Variants in LCOR observed in about 807,000 individuals in gnomAD.
LCOR encodes ligand dependent nuclear receptor corepressor, also known as ligand-dependent corepressor.
LCOR carries 14 observed loss-of-function variants against 64.4 expected under a neutral mutation model. The observed-to-expected ratio is 0.22, with a 90% CI of 0.14 to 0.34. LCOR has a LOEUF of 0.34. Ranked by LOEUF, LCOR falls within the 10% of genes least tolerant of loss-of-function variation. The probability of loss-of-function intolerance (pLI) is 1.00; values close to 1 mark genes in which losing one functional copy is unlikely to be tolerated. For missense variants in LCOR, 1,686 were observed against 1,765.3 expected (o/e 0.96, Z 0.80); for synonymous variants, 643 against 642.5 (o/e 1.00, Z -0.01).
intron 2 of LCOR, among the ~76,000 whole-genome samples, chr10:96,842,496 A>G (rs1845557630): frequency 6.6e-6 from 1 of 152,214 alleles, no homozygotes; most frequent in African/African-American, 2.4e-5. Flanking sequence ...ATGTGAATTT[A>G]CCACAAAGAC....
chr10:96,908,341 C>A (rs1161364437), intron 4 of LCOR, among the ~76,000 whole-genome samples: 3 of 152,140 alleles, frequency 2.0e-5, no homozygotes, highest in African/African-American at 7.2e-5. Context: ...TTAATTGTCT[C>A]AAACTGTTGT....
At chr10:96,962,949 C>A (rs1443878401) in intron 7 of LCOR, 1 of 152,222 alleles carries the variant, frequency 6.6e-6, no homozygotes, top group African/African-American at 2.4e-5. Context: ...TCTTCTCACT[C>A]AATTCAGGTA....
intron 2 of LCOR, among the ~76,000 whole-genome samples, chr10:96,895,413 C>A (rs571114865): frequency 6.4e-4 from 97 of 152,154 alleles, no homozygotes; most frequent in Non-Finnish European, 1.2e-3. Context: ...TACCCTCTAC[C>A]GCCATTGCTA....
intron 5 of LCOR, among the ~76,000 whole-genome samples, chr10:96,947,732 T>C (rs576432891): frequency 3.9e-5 from 6 of 152,032 alleles, no homozygotes; most frequent in African/African-American, 1.4e-4. Flanking sequence ...TTTGATCACA[T>C]TTCCCTTTTT....
intron 2 of LCOR, among the ~76,000 whole-genome samples, chr10:96,895,562 T>G (rs1455123800): frequency 1.3e-5 from 2 of 152,216 alleles, no homozygotes; most frequent in Non-Finnish European, 2.9e-5. Flanking sequence ...ATATAAAACT[T>G]AAGTGGATTT....
chr10:96,897,882 T>G (rs1476514600), intron 2 of LCOR, among the ~76,000 whole-genome samples: 2 of 151,424 alleles, frequency 1.3e-5, no homozygotes, highest in African/African-American at 2.4e-5. Flanking sequence ...TTTTTTTTTT[T>G]TTTTGTTTGG....
chr10:96,965,522 C>T lies in LCOR; in HGVS notation c.332+13326C>T, dbSNP rs556391349. 3.4e-3 allele frequency among the ~76,000 whole-genome samples: 515 copies of T among 150,438 alleles called. 3 individuals are homozygous for T. Among genetic ancestry groups the T allele is most frequent in the Middle Eastern group, 0.014 (4 of 294 alleles). On this transcript the variant is annotated intron_variant, in intron 7 of 7. Transcript: ENST00000421806. ...CTAAAAATACAAAAAATTAGCCGGG[C>T]GTGGTGGCGGGCGCCTGTAGTCCCA...
intron 2 of LCOR, among the ~76,000 whole-genome samples, chr10:96,900,876 T>C (rs997367545): frequency 1.7e-4 from 26 of 151,752 alleles, no homozygotes; most frequent in Non-Finnish European, 2.9e-4. Context: ...CTTTTTTTTT[T>C]TTTTCTTTTT....
intron 2 of LCOR, among the ~76,000 whole-genome samples, chr10:96,834,281 T>A (rs1412162353): frequency 6.6e-6 from 1 of 152,238 alleles, no homozygotes; most frequent in African/African-American, 2.4e-5. Flanking sequence ...CATATGCTTG[T>A]GCAAATAATA....
intron 2 of LCOR, among the ~76,000 whole-genome samples, chr10:96,850,980 G>A (rs977960029): frequency 2.6e-5 from 4 of 152,226 alleles, no homozygotes; most frequent in Admixed American, 6.5e-5. Flanking sequence ...AACTGTTCTG[G>A]AATGTGCTAA....
chr10:96,925,336 A>G (rs1337410781), intron 4 of LCOR, among the ~76,000 whole-genome samples: 1 of 152,152 alleles, frequency 6.6e-6, no homozygotes, highest in Non-Finnish European at 1.5e-5. Flanking sequence ...CGGCCTCCCA[A>G]AGTGTTGGGA....
At chr10:96,935,669 C>A (rs1847338371) in intron 4 of LCOR, among the ~76,000 whole-genome samples, 1 of 152,074 alleles carries the variant, frequency 6.6e-6, no homozygotes, top group Non-Finnish European at 1.5e-5. Context: ...TCCTTCTCTA[C>A]AAAATATTTT....
At chr10:96,971,503 A>G (rs564017944) in intron 7 of LCOR, among the ~76,000 whole-genome samples, 37 of 152,308 alleles carry the variant, frequency 2.4e-4, no homozygotes, top group Middle Eastern at 3.4e-3. Context: ...GGTTAGGTCA[A>G]TAGTTACAAA....
intron 2 of LCOR, among the ~76,000 whole-genome samples, chr10:96,900,799 T>A (rs1244553123): frequency 6.6e-6 from 1 of 151,974 alleles, no homozygotes; most frequent in Non-Finnish European, 1.5e-5. Flanking sequence ...ATGTCTTTTA[T>A]CAATATTCAT....
At chr10:96,969,628 T>C (rs1179038001) in intron 7 of LCOR, among the ~76,000 whole-genome samples, 1 of 152,158 alleles carries the variant, frequency 6.6e-6, no homozygotes. Context: ...ATCAAAACTT[T>C]TCCAGTGGAA....
intron 5 of LCOR, 55 bp downstream of exon 5, chr10:96,944,300 CCTT>C (rs1847549862): frequency 1.1e-6 from 1 of 909,346 alleles, no homozygotes; most frequent in African/African-American, 1.8e-5. Flanking sequence ...TTATTGATCT[CCTT>C]AATTTCATTG....
At chr10:96,922,286 G>A (rs576574612) in intron 4 of LCOR, among the ~76,000 whole-genome samples, 1 of 152,070 alleles carries the variant, frequency 6.6e-6, no homozygotes, top group East Asian at 1.9e-4. Context: ...ACCAGCCACT[G>A]TGGGATCAAT....
chr10:96,925,734 C>CT (rs745554391), intron 4 of LCOR, among the ~76,000 whole-genome samples: 1 of 152,112 alleles, frequency 6.6e-6, no homozygotes, highest in Non-Finnish European at 1.5e-5. Flanking sequence ...TGGGGAGATA[C>CT]TTTGAGGCTG....
In LCOR at chr10:96,993,827, A is replaced by T. The variant is rs968079792; in HGVS notation, c.*8693A>T. 2 of 151,564 alleles carry T rather than the reference A, an allele frequency of 1.3e-5. No individual in the cohort carries two copies. Among genetic ancestry groups the T allele is most frequent in the Middle Eastern group, 3.5e-3 (1 of 288 alleles). The allele number at this position is 151,564 out of a possible 1,614,324, so 9.4% of individuals were successfully genotyped here. Reference sequence around the variant, plus strand: ...GTCAGTACTCAGATCTGCAGAGCAGATTTCCAGATGTTCTTTCTGATGTGT... The same window carrying T: ...GTCAGTACTCAGATCTGCAGAGCAGTTTTCCAGATGTTCTTTCTGATGTGT... On this transcript the variant is annotated 3_prime_UTR_variant, in exon 8 of 8. Coordinates refer to ENST00000421806, the MANE Select transcript of LCOR (RefSeq NM_001346516.2).
Sources: allele counts gnomAD v4.1 joint callset (sites outside exome capture counted in the v4.1 genomes callset), GRCh38; gene constraint gnomAD v4.1.1; transcripts MANE v1.5; gene names NCBI Gene and HGNC (gene_info 2026-07-23, HGNC 2026-07-21).